Variants in NFKBIZ observed in about 807,000 individuals in gnomAD.
NFKBIZ encodes NF-kappa-B inhibitor zeta.
Under a neutral mutation model 76.8 loss-of-function variants are expected in NFKBIZ, and 19 were observed. The observed-to-expected ratio is 0.25, with a 90% confidence interval of 0.17 to 0.36. The LOEUF is 0.36. Among genes scored for constraint, NFKBIZ ranks in the 10% least tolerant of loss-of-function variants. NFKBIZ has a pLI of 1.00. For synonymous variants in NFKBIZ, 368 were observed against 354.8 expected (o/e 1.04, Z -0.42); for missense variants, 829 against 910.9 (o/e 0.91, Z 1.16).
At chr3:101,836,381 C>A (rs1407998148) in intron 2 of NFKBIZ, among the ~76,000 whole-genome samples, 1 of 152,236 alleles carries the variant, frequency 6.6e-6, no homozygotes, top group African/African-American at 2.4e-5. Context: ...TAAAATAACA[C>A]CTCTGGCTTT....
intron 1 of NFKBIZ, among the ~76,000 whole-genome samples, chr3:101,850,596 G>A (rs1942940174): frequency 6.6e-6 from 1 of 152,194 alleles, no homozygotes; most frequent in South Asian, 2.1e-4. Flanking sequence ...CTGCGAATTG[G>A]TTTCCTTTCT....
intron 6 of NFKBIZ, 82 bp downstream of exon 6, chr3:101,854,765 C>CG: frequency 2.2e-6 from 2 of 899,606 alleles, no homozygotes; most frequent in Non-Finnish European, 3.4e-6. Context: ...TGTAGATCAT[C>CG]TTAGAGCTCA....
intron 2 of NFKBIZ, among the ~76,000 whole-genome samples, chr3:101,838,228 G>A (rs1225715527): frequency 6.6e-6 from 1 of 152,122 alleles, no homozygotes; most frequent in African/African-American, 2.4e-5. Context: ...AAGCATCTAG[G>A]ATGTGTCAAG....
In NFKBIZ at chr3:101,855,819, G is replaced by A. The variant is rs763953604; in HGVS notation, c.1741G>A (p.Val581Ile). The change falls in exon 9 of 12, where the codon GTT (valine) becomes ATT (isoleucine). Residue 581 changes from valine to isoleucine, a missense_variant. By Grantham distance (29) the Val-to-Ile change is conservative (BLOSUM62 3). Coordinates refer to ENST00000326172, the MANE Select transcript of NFKBIZ (RefSeq NM_031419.4). ...AAATCAACAGCCTCATTCACCTGAA[G>A]TTCAGGAGCTTTTACTGAAGAATAA... ...QRNQQPHSPE[V>I]QELLLKNKSL... 6.2e-6 allele frequency: 10 copies of A among 1,614,120 alleles called. No individual in the cohort carries two copies. The highest frequency in any genetic ancestry group is 8.5e-6 in the Non-Finnish European group (10 of 1,180,000).
intron 11 of NFKBIZ, 112 bp from the exon 12 acceptor site, chr3:101,859,206 A>G: frequency 1.4e-6 from 1 of 739,270 alleles, no homozygotes; most frequent in Non-Finnish European, 2.4e-6. Flanking sequence ...GTATACTTAC[A>G]AGTTAATAGG....
rs1248842305 is a variant in NFKBIZ at position 101,857,401 on chromosome 3, G to A, written c.2045G>A (p.Arg682Gln). ...LMRKGADPST[R>Q]NLENEQPVHL... ...AGGAAGGGAGCAGACCCAAGTACTCGGAACTTGGAGAACGAACAGCCAGTG... is the reference window on the plus strand; with the variant it reads ...AGGAAGGGAGCAGACCCAAGTACTCAGAACTTGGAGAACGAACAGCCAGTG... Residue 682 changes from arginine to glutamine, a missense_variant, in exon 11 of 12, where the codon CGG becomes CAG. This residue lies in a region of NFKBIZ where 272 missense variants were observed against 384.2 expected (regional missense o/e 0.71). Transcript: ENST00000326172. 8 of 1,614,188 alleles carry A rather than the reference G, an allele frequency of 5.0e-6. No homozygotes were observed. The highest frequency in any genetic ancestry group is 4.5e-5 in the East Asian group (2 of 44,882).
In NFKBIZ at chr3:101,860,623, AATG is replaced by A. The variant is rs1943119297; in HGVS notation, c.*1258_*1260del. The stretch of plus-strand genomic sequence containing the variant: ...CATATCTTCCTGTTTTCTGTTGTCA[AATG>A]ATGATAATGTGCCATGATGTTTTAT... On this transcript the variant is annotated 3_prime_UTR_variant, in exon 12 of 12. Coordinates refer to ENST00000326172, the MANE Select transcript of NFKBIZ (RefSeq NM_031419.4). 3 of 152,162 alleles carry A rather than the reference AATG, an allele frequency of 2.0e-5. No homozygotes were observed. Among genetic ancestry groups the A allele is most frequent in the African/African-American group, 4.8e-5 (2 of 41,426 alleles). The allele number at this position is 152,162 out of a possible 1,614,324, so 9.4% of individuals were successfully genotyped here. A position where few individuals can be genotyped will look rare whatever the true frequency, so the allele number is the denominator to read the frequency against.
Position 101,855,861 on chromosome 3 carries a change from A to G in NFKBIZ, c.1783A>G (p.Ile595Val), listed in dbSNP as rs779018701. 5.6e-6 allele frequency: 9 copies of G among 1,612,624 alleles called. No individual in the cohort carries two copies. In the East Asian group the frequency reaches 6.7e-5, roughly 12 times the overall value. ...LLKNKSLVDTIKCLIQMGAAV... is the reference protein window; with the variant it reads ...LLKNKSLVDTVKCLIQMGAAV... ...GAAGAATAAGAGTCTGGTTGATACC[A>G]TTAAGTGCCTAATTCAAATGGGAGC... Residue 595 changes from isoleucine to valine, a missense_variant, in exon 9 of 12, where the codon ATT becomes GTT. Ile to Val is a conservative substitution (Grantham distance 29). Coordinates refer to ENST00000326172, the MANE Select transcript of NFKBIZ (RefSeq NM_031419.4).
chr3:101,850,356 T>G, intron 1 of NFKBIZ: 1 of 155,960 alleles, frequency 6.4e-6, no homozygotes, highest in Non-Finnish European at 1.4e-5. Context: ...CATGACTTAT[T>G]TCTCAGTTTT....
Position 101,842,960 on chromosome 3 carries a change from C to T in NFKBIZ, c.-11-9125C>T, listed in dbSNP as rs371983411. 6.2e-4 allele frequency among the ~76,000 whole-genome samples: 87 copies of T among 139,866 alleles called. 1 individual carries two copies. The South Asian group carries it at 0.017, about 27-fold the overall frequency. 91.8% of individuals were successfully genotyped at this position (139,866 alleles called of 152,430 possible). A position where few individuals can be genotyped will look rare whatever the true frequency, so the allele number is the denominator to read the frequency against. Reference sequence around the variant, plus strand: ...TGACTGATAGGACATTGCCTACATTCGATCCCTAAAAATTATTTAAATCTG... The same window carrying T: ...TGACTGATAGGACATTGCCTACATTTGATCCCTAAAAATTATTTAAATCTG... On this transcript the variant is annotated intron_variant, in intron 2 of 12. Transcript: ENST00000394054.
At chr3:101,852,257 T>C (rs764895036) in intron 2 of NFKBIZ, 33 bp downstream of exon 2, 3 of 1,608,934 alleles carry the variant, frequency 1.9e-6, no homozygotes, top group Non-Finnish European at 1.7e-6. Flanking sequence ...GAGTATAGAG[T>C]TGGGGAGAGG....
chr3:101,848,460 C>T (rs1942885010), upstream of NFKBIZ, among the ~76,000 whole-genome samples: 1 of 152,212 alleles, frequency 6.6e-6, no homozygotes, highest in Admixed American at 6.5e-5. Context: ...CCTCCTTTTT[C>T]CTCTACCAGA....
In NFKBIZ at chr3:101,853,957, CTTAG is replaced by C. The variant is rs1943009409; in HGVS notation, c.1337+100_1337+103del. On this transcript the variant is annotated intron_variant, in intron 5 of 11. Transcript: ENST00000326172. The stretch of plus-strand genomic sequence containing the variant: ...TTTTCTAGGGTATAACAAGGTATAC[CTTAG>C]TTAGTGGTTGGCTAACCAAGATGAC... 22 of 1,230,146 alleles carry C rather than the reference CTTAG, an allele frequency of 1.8e-5. No homozygotes were observed. The South Asian group carries it at 2.9e-4, about 16-fold the overall frequency. The allele number at this position is 1,230,146 out of a possible 1,614,324, so 76.2% of individuals were successfully genotyped here.
At position 101,859,367 on chromosome 3, in the gene NFKBIZ, A is replaced by G. The variant is rs1338602563; in HGVS notation, c.2153A>G (p.Tyr718Cys). 3 of 1,613,216 alleles carry G rather than the reference A, an allele frequency of 1.9e-6. No individual in the cohort carries two copies. The African/African-American group carries it at 4.0e-5, about 22-fold the overall frequency. ...TCCATTCAGCAGAGAGCTCCACCGTATTAGCTCCATTAGCTTGGAGCCTGG... is the reference window on the plus strand; with the variant it reads ...TCCATTCAGCAGAGAGCTCCACCGTGTTAGCTCCATTAGCTTGGAGCCTGG... ...GKSIQQRAPP[Y>C] The change falls in exon 12 of 12, where the codon TAT becomes TGT. Residue 718 changes from tyrosine to cysteine, a missense_variant. This residue lies in a region of NFKBIZ where 272 missense variants were observed against 384.2 expected (regional missense o/e 0.71). Coordinates refer to ENST00000326172, the MANE Select transcript of NFKBIZ (RefSeq NM_031419.4).
chr3:101,840,733 G>A (rs557745749), intron 2 of NFKBIZ, among the ~76,000 whole-genome samples: 2 of 152,212 alleles, frequency 1.3e-5, no homozygotes, highest in Non-Finnish European at 2.9e-5. Context: ...GTTCAACTGT[G>A]TGACCTGACT....
chr3:101,845,006 G>A (rs576690931), upstream of NFKBIZ, among the ~76,000 whole-genome samples: 4 of 152,156 alleles, frequency 2.6e-5, no homozygotes, highest in East Asian at 7.8e-4. Flanking sequence ...GGTGGCTCAC[G>A]CCTGTAATCT....
At chr3:101,852,685 A>G (rs1203206022) in intron 2 of NFKBIZ, 53 bp from the exon 3 acceptor site, 2 of 1,276,570 alleles carry the variant, frequency 1.6e-6, no homozygotes, top group African/African-American at 1.5e-5. Context: ...ACTGATGTAT[A>G]TTAAGAGGAA....
chr3:101,859,577 A>T lies in NFKBIZ; in HGVS notation c.*206A>T, dbSNP rs183820111. On this transcript the variant is annotated 3_prime_UTR_variant, in exon 12 of 12. Coordinates refer to ENST00000326172, the MANE Select transcript of NFKBIZ (RefSeq NM_031419.4). Reference sequence around the variant, plus strand: ...CTCTTGGCAGATTTGCATATTTCATACCCAGGTATCTGGGATCTAGACATC... The same window carrying T: ...CTCTTGGCAGATTTGCATATTTCATTCCCAGGTATCTGGGATCTAGACATC... 28 of 397,006 alleles carry T rather than the reference A, an allele frequency of 7.1e-5. No homozygotes were observed. The East Asian group carries it at 9.3e-4, about 13-fold the overall frequency. 24.6% of individuals were successfully genotyped at this position (397,006 alleles called of 1,614,324 possible).
intron 5 of NFKBIZ, 75 bp from the exon 6 acceptor site, chr3:101,854,501 ATT>A (rs34931768): frequency 2.6e-3 from 1,746 of 681,422 alleles, no homozygotes; most frequent in South Asian, 3.1e-3. Context: ...CTAAAGGAAG[ATT>A]TTTTTTTTTT....
Sources: gnomAD v4.1 joint callset for allele counts (sites outside exome capture counted in the v4.1 genomes callset) on GRCh38, gnomAD v4.1.1 for gene constraint, gnomAD v4.1.1 regional missense constraint, MANE v1.5 for transcripts, NCBI Gene and HGNC (gene_info 2026-07-23, HGNC 2026-07-21) for gene names.